The following FHIT variants were observed in gnomAD, a reference collection of about 807,000 sequenced individuals.
FHIT encodes bis(5'-adenosyl)-triphosphatase.
In FHIT, 19 loss-of-function variants were observed where a neutral mutation model predicts 17.9. The observed-to-expected ratio is 1.06, with a 90% CI of 0.74 to 1.56. The LOEUF (loss-of-function observed/expected upper bound fraction) is 1.56, where lower values mean the gene tolerates loss of function less well. Among genes scored for constraint, FHIT ranks in the 40% most tolerant of loss-of-function variants. The probability of loss-of-function intolerance (pLI) is 0.00; values close to 1 mark genes in which losing one functional copy is unlikely to be tolerated. For missense variants in FHIT, 248 were observed against 189.2 expected, an observed-to-expected ratio of 1.31 and a Z score of -1.82; for synonymous variants, 81 against 69.7, an observed-to-expected ratio of 1.16 and a Z score of -0.81.
chr3:60,892,925 G>A (rs781788659), intron 3 of FHIT, among the ~76,000 whole-genome samples: 9 of 152,206 alleles, frequency 5.9e-5, no homozygotes, highest in South Asian at 2.1e-4. Context: ...TGGAGTTACC[G>A]GTAATGTCTA....
intron 4 of FHIT, among the ~76,000 whole-genome samples, chr3:60,632,070 T>C (rs1315120987): frequency 7.3e-6 from 1 of 137,292 alleles, no homozygotes; most frequent in Admixed American, 7.9e-5. Flanking sequence ...CTGGGGAGAA[T>C]TTGGGAAAGA....
chr3:60,510,323 C>T (rs1252935086), intron 5 of FHIT, among the ~76,000 whole-genome samples: 3 of 152,158 alleles, frequency 2.0e-5, no homozygotes, highest in East Asian at 1.9e-4. Context: ...TTCTGCAAGC[C>T]CAAAAAAGGC....
At chr3:59,831,083 G>T (rs924323776) in intron 8 of FHIT, among the ~76,000 whole-genome samples, 5 of 152,100 alleles carry the variant, frequency 3.3e-5, no homozygotes, top group Admixed American at 3.3e-4. Flanking sequence ...TAAAATGGGA[G>T]GCTATAACCC....
At chr3:60,395,986 T>C (rs1701424791) in intron 5 of FHIT, among the ~76,000 whole-genome samples, 1 of 152,118 alleles carries the variant, frequency 6.6e-6, no homozygotes, top group Non-Finnish European at 1.5e-5. Context: ...CAACAATGGC[T>C]ACAAACACCA....
chr3:60,692,964 T>C (rs2107889760), intron 4 of FHIT, among the ~76,000 whole-genome samples: 1 of 152,322 alleles, frequency 6.6e-6, no homozygotes, highest in South Asian at 2.1e-4. Context: ...CTTCCCTCTG[T>C]TTGGCCACAG....
At chr3:60,966,484 G>A (rs1709752666) in intron 3 of FHIT, among the ~76,000 whole-genome samples, 1 of 152,194 alleles carries the variant, frequency 6.6e-6, no homozygotes, top group Non-Finnish European at 1.5e-5. Context: ...ACCTCAATTG[G>A]AAATGCAGAA....
chr3:60,601,765 T>A (rs1175158599), intron 4 of FHIT, among the ~76,000 whole-genome samples: 1 of 152,124 alleles, frequency 6.6e-6, no homozygotes, highest in Non-Finnish European at 1.5e-5. Flanking sequence ...TCCTCATAAG[T>A]GTTTTATAAT....
intron 7 of FHIT, among the ~76,000 whole-genome samples, chr3:60,001,203 A>C (rs12487545): frequency 0.71 from 108,441 of 152,088 alleles, 39,760 homozygotes; most frequent in Non-Finnish European, 0.8. Flanking sequence ...AGTTTTTCCT[A>C]GGCTGTCTTG....
chr3:61,176,134 G>A (rs1478148090), intron 2 of FHIT, among the ~76,000 whole-genome samples: 4 of 152,234 alleles, frequency 2.6e-5, no homozygotes, highest in Admixed American at 6.5e-5. Context: ...TCTCTGGGTT[G>A]TGGGGCATCC....
chr3:60,116,333 G>T (rs1022445), intron 5 of FHIT, among the ~76,000 whole-genome samples: 1 of 152,082 alleles, frequency 6.6e-6, no homozygotes, highest in Admixed American at 6.5e-5. Flanking sequence ...ATATGAAAAA[G>T]CTGGAGCCCC....
chr3:60,775,782 T>A (rs148051966), intron 4 of FHIT, among the ~76,000 whole-genome samples: 1 of 152,140 alleles, frequency 6.6e-6, no homozygotes, highest in African/African-American at 2.4e-5. Context: ...CCTCACTCCA[T>A]GCCGGGGCTG....
At chr3:59,802,187 AT>A (rs1317621992) in intron 8 of FHIT, among the ~76,000 whole-genome samples, 2 of 148,858 alleles carry the variant, frequency 1.3e-5, no homozygotes, top group African/African-American at 4.9e-5. Context: ...AAAAAAAAAA[AT>A]GTGTACCTAG....
intron 4 of FHIT, among the ~76,000 whole-genome samples, chr3:60,821,564 T>A (rs963225983): frequency 3.9e-5 from 6 of 152,276 alleles, no homozygotes; most frequent in Admixed American, 3.3e-4. Context: ...TTTTTACACG[T>A]AAAAATTATT....
At chr3:61,020,410 T>C (rs906889995) in intron 3 of FHIT, among the ~76,000 whole-genome samples, 4 of 152,248 alleles carry the variant, frequency 2.6e-5, no homozygotes, top group South Asian at 2.1e-4. Flanking sequence ...TAAATTTTTT[T>C]AAGGTCTTTG....
At chr3:60,625,663 T>C (rs782485386) in intron 4 of FHIT, among the ~76,000 whole-genome samples, 4 of 152,310 alleles carry the variant, frequency 2.6e-5, no homozygotes, top group Admixed American at 6.5e-5. Flanking sequence ...ATATGATATG[T>C]AAGTATTTTA....
chr3:60,840,343 G>C (rs936078922), intron 3 of FHIT, among the ~76,000 whole-genome samples: 1 of 151,992 alleles, frequency 6.6e-6, no homozygotes, highest in Non-Finnish European at 1.5e-5. Flanking sequence ...TTCTCTCTAT[G>C]ACTGCTGTTC....
rs1296227006 is a variant in FHIT, at chr3:59,748,822, C to CTCA, written c.*760_*762dup. On this transcript the variant is annotated 3_prime_UTR_variant, in exon 10 of 10. Coordinates refer to ENST00000492590, the MANE Select transcript of FHIT (RefSeq NM_002012.4). ...CTTAACATCCTTAAGCCTTAGTTTTCTCATCACTTGCAAGACAGGATAATA... is the reference window on the plus strand; with the variant it reads ...CTTAACATCCTTAAGCCTTAGTTTTCTCATCATCACTTGCAAGACAGGATAATA... Among the ~76,000 whole-genome samples the CTCA allele has an allele frequency of 6.6e-6, 1 of 152,164 alleles. No homozygotes were observed. The highest frequency in any genetic ancestry group is 2.4e-5 in the African/African-American group (1 of 41,456).
At chr3:60,572,009 C>CAA (rs1434925358) in intron 4 of FHIT, among the ~76,000 whole-genome samples, 3 of 151,960 alleles carry the variant, frequency 2.0e-5, no homozygotes, top group Admixed American at 6.6e-5. Flanking sequence ...TAGTGTTTCC[C>CAA]AAGGTTTTCT....
At chr3:59,846,472 T>C (rs1701724970) in intron 8 of FHIT, among the ~76,000 whole-genome samples, 1 of 152,150 alleles carries the variant, frequency 6.6e-6, no homozygotes, top group African/African-American at 2.4e-5. Context: ...ATAATTTTTA[T>C]CCATTAGTCT....
Sources: gnomAD v4.1 joint callset for allele counts (sites outside exome capture counted in the v4.1 genomes callset) on GRCh38, gnomAD v4.1.1 for gene constraint, MANE v1.5 for transcripts, NCBI Gene and HGNC (gene_info 2026-07-23, HGNC 2026-07-21) for gene names.